KSR1: variants seen among roughly 807,000 people sequenced by gnomAD.
KSR1 encodes kinase suppressor of ras.
KSR1 carries 35 observed loss-of-function variants against 92.9 expected under a neutral mutation model. The observed-to-expected ratio is 0.38, with a 90% CI of 0.29 to 0.50. The LOEUF (loss-of-function observed/expected upper bound fraction) is 0.50. KSR1 is among the 20% of genes least tolerant of loss of function. The pLI, the probability that KSR1 is intolerant of heterozygous loss-of-function variation, is 0.94. For synonymous variants in KSR1, 467 were observed against 472.6 expected, an observed-to-expected ratio of 0.99 and a Z score of 0.15; for missense variants, 972 against 1,158.5, an observed-to-expected ratio of 0.84 and a Z score of 2.34.
chr17:27,499,599 A>G (rs1431830501), intron 1 of KSR1, among the ~76,000 whole-genome samples: 1 of 152,204 alleles, frequency 6.6e-6, no homozygotes, highest in Admixed American at 6.5e-5. Flanking sequence ...TATTTTCAGA[A>G]CAAGGTGTGC....
At chr17:27,457,636 C>G (rs1357615356) in intron 1 of KSR1, among the ~76,000 whole-genome samples, 2 of 152,022 alleles carry the variant, frequency 1.3e-5, no homozygotes, top group African/African-American at 4.8e-5. Context: ...GCGGGCCTTC[C>G]TCTCTCAAAT....
chr17:27,499,326 G>A (rs927634080), intron 1 of KSR1, among the ~76,000 whole-genome samples: 1 of 152,176 alleles, frequency 6.6e-6, no homozygotes, highest in East Asian at 1.9e-4. Flanking sequence ...ATTTTCCTGG[G>A]CACTTGGGAA....
At chr17:27,499,480 C>G (rs527827549) in intron 1 of KSR1, among the ~76,000 whole-genome samples, 1 of 152,344 alleles carries the variant, frequency 6.6e-6, no homozygotes, top group South Asian at 2.1e-4. Flanking sequence ...AAACTATAGT[C>G]TGCTAAGGCT....
At chr17:27,467,479 G>A (rs1391048847) in intron 1 of KSR1, among the ~76,000 whole-genome samples, 3 of 152,310 alleles carry the variant, frequency 2.0e-5, no homozygotes, top group Admixed American at 6.5e-5. Context: ...ATCACAGAGC[G>A]ATTACTTAAT....
intron 1 of KSR1, among the ~76,000 whole-genome samples, chr17:27,547,105 A>G (rs760531323): frequency 7.2e-5 from 11 of 152,226 alleles, no homozygotes; most frequent in Non-Finnish European, 1.6e-4. Context: ...CTGAGCCCCT[A>G]GTACCCTGAA....
At position 27,619,482 on chromosome 17, in the gene KSR1, C is replaced by T. The variant is rs142378983; in HGVS notation, c.2628-1711C>T. Reference sequence around the variant, plus strand: ...GCACGATCTCAGCTCACTGTAACCTCCACCTCCCGGGTTCAAGCGATTCTC... The same window carrying T: ...GCACGATCTCAGCTCACTGTAACCTTCACCTCCCGGGTTCAAGCGATTCTC... On this transcript the variant is annotated intron_variant, in intron 19 of 20. Coordinates refer to ENST00000644974, the MANE Select transcript of KSR1 (RefSeq NM_001394583.1). 5.2e-3 allele frequency among the ~76,000 whole-genome samples: 793 copies of T among 151,734 alleles called. 4 individuals are homozygous for T. Among genetic ancestry groups the T allele is most frequent in the African/African-American group, 0.018 (762 of 41,314 alleles).
chr17:27,612,475 G>A (rs1318408093), intron 18 of KSR1: 1 of 152,200 alleles, frequency 6.6e-6, no homozygotes, highest in African/African-American at 2.4e-5. Flanking sequence ...TTTAGTGGTA[G>A]TTTTTGTTAT....
chr17:27,591,056 C>G (rs1425150448), intron 7 of KSR1, among the ~76,000 whole-genome samples, 162 bp downstream of exon 7: 2 of 152,132 alleles, frequency 1.3e-5, no homozygotes, highest in South Asian at 2.1e-4. Context: ...GAAGGGAATA[C>G]TTGAGGTGGG....
At chr17:27,465,750 G>C (rs181069424) in intron 1 of KSR1, among the ~76,000 whole-genome samples, 2 of 152,080 alleles carry the variant, frequency 1.3e-5, no homozygotes, top group East Asian at 3.9e-4. Flanking sequence ...GCTTTCTTCC[G>C]CATGGCTCCT....
chr17:27,505,456 C>T (rs902273531), intron 1 of KSR1, among the ~76,000 whole-genome samples: 3 of 152,200 alleles, frequency 2.0e-5, no homozygotes, highest in Non-Finnish European at 2.9e-5. Context: ...GTGATTTGCT[C>T]GGATGCAGGC....
intron 1 of KSR1, among the ~76,000 whole-genome samples, chr17:27,498,998 G>A (rs2069087581): frequency 6.6e-6 from 1 of 152,192 alleles, no homozygotes; most frequent in Non-Finnish European, 1.5e-5. Flanking sequence ...GGAATTAGAA[G>A]TCAAGTAAGC....
At chr17:27,462,471 G>A (rs955644372) in intron 1 of KSR1, among the ~76,000 whole-genome samples, 1 of 152,148 alleles carries the variant, frequency 6.6e-6, no homozygotes, top group Non-Finnish European at 1.5e-5. Flanking sequence ...CTCAGGGTTC[G>A]GGCATGGGTC....
At chr17:27,547,761 G>A (rs1265592192) in intron 1 of KSR1, among the ~76,000 whole-genome samples, 1 of 152,142 alleles carries the variant, frequency 6.6e-6, no homozygotes, top group Non-Finnish European at 1.5e-5. Flanking sequence ...CTGGCAGGCT[G>A]GGGTGCAGTG....
intron 13 of KSR1, 102 bp downstream of exon 13, chr17:27,604,830 T>G (rs1214121219): frequency 8.5e-7 from 1 of 1,173,968 alleles, no homozygotes; most frequent in African/African-American, 1.5e-5. Context: ...TTCTGGACTT[T>G]GGCAAGGGCT....
chr17:27,541,415 T>G (rs1021887242), intron 1 of KSR1, among the ~76,000 whole-genome samples: 5 of 152,104 alleles, frequency 3.3e-5, no homozygotes, highest in African/African-American at 1.2e-4. Flanking sequence ...GAGCCAGGGG[T>G]GGGGTACAGC....
At chr17:27,597,755 C>T (rs1038461715) in intron 10 of KSR1, among the ~76,000 whole-genome samples, 2 of 152,158 alleles carry the variant, frequency 1.3e-5, no homozygotes, top group African/African-American at 4.8e-5. Flanking sequence ...GGTGGCCTCT[C>T]CTGGGCAGTG....
intron 1 of KSR1, among the ~76,000 whole-genome samples, chr17:27,457,833 C>T (rs900348589): frequency 1.3e-5 from 2 of 152,082 alleles, no homozygotes; most frequent in African/African-American, 2.4e-5. Context: ...ACCATCTTGC[C>T]CTGCCACATC....
In KSR1 at chr17:27,530,717, G is replaced by A. The variant is rs531157668; in HGVS notation, c.232-19851G>A. 1.3e-3 allele frequency among the ~76,000 whole-genome samples: 205 copies of A among 152,304 alleles called. 1 individual carries two copies. Among genetic ancestry groups the A allele is most frequent in the Non-Finnish European group, 2.4e-3 (161 of 68,022 alleles). On this transcript the variant is annotated intron_variant, in intron 1 of 20. Coordinates refer to ENST00000644974, the MANE Select transcript of KSR1 (RefSeq NM_001394583.1). ...TTTGGAAAACACAGAAAAGTAGAAG[G>A]AAGAAAATAATTACCTATAGCCTTC...
chr17:27,577,285 G>A lies in KSR1; in HGVS notation c.373-207G>A, dbSNP rs2072546991. ...ACTTCCTCCCCTCACCCCCCACCGA[G>A]TCTGCTTCAGCTGCTGTCTCTGGGA... On this transcript the variant is annotated intron_variant, in intron 2 of 20. Coordinates refer to ENST00000644974, the MANE Select transcript of KSR1 (RefSeq NM_001394583.1). This position sits in a 1 kb window ranked among gnomAD's most constrained non-coding sequence, Gnocchi z 4.5. Among the ~76,000 whole-genome samples the A allele has an allele frequency of 6.6e-6, 1 of 152,110 alleles. No individual in the cohort carries two copies. Among genetic ancestry groups the A allele is most frequent in the African/African-American group, 2.4e-5 (1 of 41,396 alleles).
Sources: allele counts gnomAD v4.1 joint callset (sites outside exome capture counted in the v4.1 genomes callset), GRCh38; gene constraint gnomAD v4.1.1; non-coding constraint Gnocchi (gnomAD v3.1); transcripts MANE v1.5; gene names NCBI Gene and HGNC (gene_info 2026-07-23, HGNC 2026-07-21).